Variants in DNAJC16 observed in about 807,000 individuals in gnomAD.
The protein encoded by DNAJC16 is DnaJ heat shock protein family (Hsp40) member C16, also known as dnaJ homolog subfamily C member 16.
In DNAJC16, 76 loss-of-function variants were observed where a neutral mutation model predicts 92.7. That is an observed-to-expected ratio of 0.82 (90% CI 0.68 to 0.99). DNAJC16 has a LOEUF of 0.99. Ranked by LOEUF, DNAJC16 falls within the 50% of genes least tolerant of loss-of-function variation. The pLI is 0.00. For synonymous variants in DNAJC16, 328 were observed against 358.7 expected (o/e 0.91, Z 0.97); for missense variants, 869 against 942.4 (o/e 0.92, Z 1.02).
chr1:15,552,908 C>G (rs1638480541), intron 7 of DNAJC16, among the ~76,000 whole-genome samples: 1 of 150,638 alleles, frequency 6.6e-6, no homozygotes, highest in Non-Finnish European at 1.5e-5. Flanking sequence ...GCTGGGACTA[C>G]AGGCACAAGC....
intron 8 of DNAJC16, 22 bp downstream of exon 8, chr1:15,559,678 T>G (rs766082605): frequency 4.0e-5 from 65 of 1,610,702 alleles, no homozygotes; most frequent in Non-Finnish European, 5.9e-6. Flanking sequence ...AGGCTTTGCC[T>G]CTGCTTGTTA....
At chr1:15,544,151 TACACACACAC>T (rs148744006) in intron 4 of DNAJC16, among the ~76,000 whole-genome samples, 31 of 137,284 alleles carry the variant, frequency 2.3e-4, no homozygotes, top group South Asian at 7.1e-4. Flanking sequence ...TGTATATGCA[TACACACACAC>T]ACACACACAC....
At position 15,568,659 on chromosome 1, in the gene DNAJC16, C is replaced by T; in HGVS notation, c.*482C>T. The stretch of plus-strand genomic sequence containing the variant: ...CTGAACAACCCACGGCAGCTTCTAG[C>T]CCCGCATCTGGAAAAAGGCCCCTTT... On this transcript the variant is annotated 3_prime_UTR_variant, in exon 15 of 15. Coordinates refer to ENST00000375847, the MANE Select transcript of DNAJC16 (RefSeq NM_015291.4). The T allele has an allele frequency of 2.5e-6, 1 of 399,252 alleles. No individual in the cohort carries two copies. The highest frequency in any genetic ancestry group is 3.6e-5 in the East Asian group (1 of 28,088). The allele number at this position is 399,252 out of a possible 1,614,324, so 24.7% of individuals were successfully genotyped here.
intron 7 of DNAJC16, among the ~76,000 whole-genome samples, chr1:15,553,609 A>C (rs935420783): frequency 1.3e-5 from 2 of 152,186 alleles, no homozygotes; most frequent in African/African-American, 2.4e-5. Context: ...AAGATGCACA[A>C]GTCAGAGGTG....
At chr1:15,539,142 G>C (rs558181859) in intron 4 of DNAJC16, among the ~76,000 whole-genome samples, 4 of 152,278 alleles carry the variant, frequency 2.6e-5, no homozygotes. Flanking sequence ...CCTCAGTATA[G>C]TATTTTTAAT....
chr1:15,536,455 A>AT lies in DNAJC16; in HGVS notation c.235-13dup. The AT allele has an allele frequency of 1.9e-6, 3 of 1,542,086 alleles. No homozygotes were observed. Among genetic ancestry groups the AT allele is most frequent in the Non-Finnish European group, 2.6e-6 (3 of 1,147,542 alleles). ...GGATGAACCTTTTGTTGTTGTTTAG[A>AT]TTTTTTTCTTCCTTTATAGATTCTT... is the stretch of plus-strand genomic sequence containing the variant. On this transcript the variant is annotated intron_variant, in intron 3 of 14. Transcript: ENST00000375847.
chr1:15,546,684 A>T (rs1438965673), intron 5 of DNAJC16, 83 bp from the exon 6 acceptor site: 1 of 1,100,198 alleles, frequency 9.1e-7, no homozygotes, highest in Non-Finnish European at 1.3e-6. Context: ...CACTTACTTG[A>T]TTTGTTTATT....
Position 15,562,282 on chromosome 1 carries a change from A to T in DNAJC16, c.1295A>T (p.Asp432Val). The T allele has an allele frequency of 6.2e-7, 1 of 1,613,990 alleles. No homozygotes were observed. Among genetic ancestry groups the T allele is most frequent in the Non-Finnish European group, 8.5e-7 (1 of 1,179,896 alleles). Residue 432 changes from aspartate (D) to valine (V), a missense_variant, in exon 9 of 15, where the codon GAC (aspartate) becomes GTC (valine). Coordinates refer to ENST00000375847, the MANE Select transcript of DNAJC16 (RefSeq NM_015291.4). ...VYSNRQQEFA[D>V]TLLPDSEAFQ... Reference sequence around the variant, plus strand: ...AGCAATCGGCAGCAGGAGTTTGCCGACACCTTACTACCAGACAGTGAGGCG... The same window carrying T: ...AGCAATCGGCAGCAGGAGTTTGCCGTCACCTTACTACCAGACAGTGAGGCG...
intron 2 of DNAJC16, 132 bp downstream of exon 2, chr1:15,529,404 C>T (rs976600558): frequency 4.2e-5 from 37 of 875,716 alleles, no homozygotes; most frequent in African/African-American, 1.7e-4. Context: ...AAATATTTTA[C>T]GCAGGAGAGC....
At chr1:15,567,418 C>A in intron 14 of DNAJC16, 149 bp downstream of exon 14, 2 of 817,012 alleles carry the variant, frequency 2.4e-6, no homozygotes, top group Non-Finnish European at 3.8e-6. Flanking sequence ...GACATCTGAG[C>A]CATTGCGACA....
chr1:15,555,952 T>G (rs147878279), intron 7 of DNAJC16, among the ~76,000 whole-genome samples: 65 of 149,618 alleles, frequency 4.3e-4, no homozygotes, highest in African/African-American at 1.6e-3. Context: ...GATCGTGCCA[T>G]TGCACTTCAG....
At chr1:15,537,335 G>C in intron 4 of DNAJC16, among the ~76,000 whole-genome samples, 1 of 152,198 alleles carries the variant, frequency 6.6e-6, no homozygotes, top group African/African-American at 2.4e-5. Context: ...GTAAAAACTA[G>C]TGTGTAAAAG....
At chr1:15,566,997 A>T in intron 13 of DNAJC16, 102 bp from the exon 14 acceptor site, 1 of 1,094,326 alleles carries the variant, frequency 9.1e-7, no homozygotes, top group Non-Finnish European at 1.3e-6. Flanking sequence ...TAACATACCT[A>T]GTCTGGTTAG....
At chr1:15,527,302 A>G (rs1027691034) in intron 1 of DNAJC16, among the ~76,000 whole-genome samples, 1 of 152,048 alleles carries the variant, frequency 6.6e-6, no homozygotes, top group Non-Finnish European at 1.5e-5. Flanking sequence ...CATGTCAGCT[A>G]AAGAACTTCC....
In DNAJC16 at chr1:15,571,070, G is replaced by A. The variant is rs559434904; in HGVS notation, c.*2893G>A. The A allele has an allele frequency of 2.1e-4, 32 of 152,168 alleles. No homozygotes were observed. The highest frequency in any genetic ancestry group is 1.4e-3 in the Admixed American group (21 of 15,268). 9.4% of individuals were successfully genotyped at this position (152,168 alleles called of 1,614,324 possible). A position where few individuals can be genotyped will look rare whatever the true frequency, so the allele number is the denominator to read the frequency against. ...TGCACAATTTTTATCTAACACTGAG[G>A]CTATCAGCTCCAACTAAACAACATT... On this transcript the variant is annotated 3_prime_UTR_variant, in exon 15 of 15. Transcript: ENST00000375847.
chr1:15,540,659 A>G (rs1398086851), intron 4 of DNAJC16, among the ~76,000 whole-genome samples: 1 of 151,716 alleles, frequency 6.6e-6, no homozygotes, highest in East Asian at 1.9e-4. Flanking sequence ...CTGGTCTTAA[A>G]CTCCTGGTCA....
rs1393018373 is a variant in DNAJC16 at position 15,566,071 on chromosome 1, T to G, written c.1680-11T>G. ...CACTTTTTTTGTAAAACTCCTTTTT[T>G]CTTACTTTAGCGACTCTAATGATGA... On this transcript the variant is annotated splice_polypyrimidine_tract_variant and intron_variant, in intron 12 of 14. Coordinates refer to ENST00000375847, the MANE Select transcript of DNAJC16 (RefSeq NM_015291.4). The G allele has an allele frequency of 6.2e-7, 1 of 1,613,074 alleles. No homozygotes were observed. The highest frequency in any genetic ancestry group is 1.7e-5 in the Admixed American group (1 of 59,636).
At chr1:15,532,703 G>T (rs12121440) in intron 2 of DNAJC16, among the ~76,000 whole-genome samples, 3 of 150,396 alleles carry the variant, frequency 2.0e-5, no homozygotes, top group Non-Finnish European at 4.4e-5. Context: ...TGGTATTTTT[G>T]TGTTTTTTTT....
chr1:15,545,714 C>T (rs922397160), intron 5 of DNAJC16, among the ~76,000 whole-genome samples: 1 of 152,170 alleles, frequency 6.6e-6, no homozygotes, highest in Non-Finnish European at 1.5e-5. Context: ...AGCACCTTCA[C>T]GCTCCTTTAA....
Sources: allele counts gnomAD v4.1 joint callset (sites outside exome capture counted in the v4.1 genomes callset), GRCh38; gene constraint gnomAD v4.1.1; transcripts MANE v1.5; gene names NCBI Gene and HGNC (gene_info 2026-07-23, HGNC 2026-07-21).